Variants in TMEM198 observed in about 807,000 individuals in gnomAD.
TMEM198 encodes transmembrane protein 198.
In TMEM198, 21 loss-of-function variants were observed where a neutral mutation model predicts 31.5. The observed-to-expected ratio is 0.67, with a 90% CI of 0.47 to 0.96. TMEM198 has a LOEUF of 0.96. Among genes scored for constraint, TMEM198 ranks in the 40% least tolerant of loss-of-function variants. The probability of loss-of-function intolerance (pLI) is 0.00; values close to 1 mark genes in which losing one functional copy is unlikely to be tolerated. For synonymous variants in TMEM198, 211 were observed against 223.3 expected (o/e 0.95, Z 0.49); for missense variants, 447 against 499.4 (o/e 0.89, Z 1.00).
chr2:219,549,819 C>G lies in TMEM198; in HGVS notation c.1048C>G (p.Leu350Val), dbSNP rs911325974. 7 of 1,614,128 alleles carry G rather than the reference C, an allele frequency of 4.3e-6. No individual in the cohort carries two copies. The highest frequency in any genetic ancestry group is 5.9e-6 in the Non-Finnish European group (7 of 1,180,002). The change falls in exon 5 of 5, where the codon CTG (leucine) becomes GTG (valine). Residue 350 changes from leucine to valine, a missense_variant. By Grantham distance (32) the Leu-to-Val change is conservative (BLOSUM62 1). Coordinates refer to ENST00000373883, the MANE Select transcript of TMEM198 (RefSeq NM_001005209.3). ...CTATGAGTATGGGTCCCGGGGACCT[C>G]TGACAGCCTGCTCAGGCCCCCCAGT... ...ADYEYGSRGP[L>V]TACSGPPVRV
intron 3 of TMEM198, among the ~76,000 whole-genome samples, chr2:219,548,497 G>A (rs539084224): frequency 6.6e-5 from 10 of 152,186 alleles, no homozygotes; most frequent in African/African-American, 9.7e-5. Flanking sequence ...CTGCTTGAAG[G>A]AGGTGATATG....
rs13023533 is a variant in TMEM198 at position 219,549,297 on chromosome 2, T to C, written c.888T>C (p.Pro296=). The part of the protein sequence containing the change: ...RAPPRPGPPD[P]AYRRRPVPIK... ...CTCCCAGGCCTGGGCCACCAGACCCTGCTTATCGGCGCAGGCCAGTGCCCA... is the reference window on the plus strand; with the variant it reads ...CTCCCAGGCCTGGGCCACCAGACCCCGCTTATCGGCGCAGGCCAGTGCCCA... Residue 296 remains proline, a synonymous_variant, in exon 4 of 5, where the codon CCT becomes CCC. Coordinates refer to ENST00000373883, the MANE Select transcript of TMEM198 (RefSeq NM_001005209.3). 724,617 of 1,613,674 alleles carry C rather than the reference T, an allele frequency of 0.45. 165,978 individuals carry two copies. The highest frequency in any genetic ancestry group is 0.53 in the Admixed American group (31,647 of 60,008).
chr2:219,549,371 C>T lies in TMEM198; in HGVS notation c.945+17C>T. 1 of 1,601,788 alleles carries T rather than the reference C, an allele frequency of 6.2e-7. No homozygotes were observed. The highest frequency in any genetic ancestry group is 8.5e-7 in the Non-Finnish European group (1 of 1,172,908). ...CTCTCCCCGGTGAGCTCCCTGAGCC[C>T]ATCCAGCCAGAATGAGAAGGAAGTG... On this transcript the variant is annotated intron_variant, in intron 4 of 4. Transcript: ENST00000373883.
rs1449918447 is a variant in TMEM198, at chr2:219,544,041, G to A, written c.-376G>A. The A allele has an allele frequency of 2.6e-6, 1 of 378,194 alleles. No homozygotes were observed. The highest frequency in any genetic ancestry group is 5.3e-6 in the Non-Finnish European group (1 of 190,264). 23.4% of individuals were successfully genotyped at this position (378,194 alleles called of 1,614,324 possible). Reference sequence around the variant, plus strand: ...GCCCTGAGTGACGTCAGGAGCAGAGGCCGGAGCTGTCCATCAGCACCAAAG... The same window carrying A: ...GCCCTGAGTGACGTCAGGAGCAGAGACCGGAGCTGTCCATCAGCACCAAAG... On this transcript the variant is annotated 5_prime_UTR_variant, in exon 1 of 5. Transcript: ENST00000373883.
chr2:219,545,080 C>A (rs1695365028), intron 2 of TMEM198, among the ~76,000 whole-genome samples, 187 bp downstream of exon 2: 1 of 152,222 alleles, frequency 6.6e-6, no homozygotes, highest in South Asian at 2.1e-4. Flanking sequence ...ATTAGGCACA[C>A]CTGAGTGTGA....
rs761474024 is a variant in TMEM198 at position 219,548,065 on chromosome 2, G to A, written c.726G>A (p.Gly242=). ...TGCAGTGGAGGGTGACAGCTGAGGGGGACTCCCACACGGAAGGTAAGGGGG... is the reference window on the plus strand; with the variant it reads ...TGCAGTGGAGGGTGACAGCTGAGGGAGACTCCCACACGGAAGGTAAGGGGG... ...VLVQWRVTAE[G]DSHTEVVISR... Residue 242 remains glycine (G), a synonymous_variant, in exon 3 of 5, where the codon GGG becomes GGA. Coordinates refer to ENST00000373883, the MANE Select transcript of TMEM198 (RefSeq NM_001005209.3). 128 of 1,564,970 alleles carry A rather than the reference G, an allele frequency of 8.2e-5. No homozygotes were observed. The highest frequency in any genetic ancestry group is 1.1e-4 in the Non-Finnish European group (123 of 1,156,358).
rs1410273102 is a variant in TMEM198 at position 219,544,129 on chromosome 2, G to A, written c.-288G>A. On this transcript the variant is annotated 5_prime_UTR_variant, in exon 1 of 5. Coordinates refer to ENST00000373883, the MANE Select transcript of TMEM198 (RefSeq NM_001005209.3). ...GGGCGGCCCGAGCCCCGGCTCCTGCGCCTTCCCCTTCCTCAGGCCCAGCCC... is the reference window on the plus strand; with the variant it reads ...GGGCGGCCCGAGCCCCGGCTCCTGCACCTTCCCCTTCCTCAGGCCCAGCCC... The A allele has an allele frequency of 2.2e-6, 1 of 455,396 alleles. No homozygotes were observed. Among genetic ancestry groups the A allele is most frequent in the Non-Finnish European group, 4.4e-6 (1 of 225,808 alleles). The allele number at this position is 455,396 out of a possible 1,614,324, so 28.2% of individuals were successfully genotyped here. A position where few individuals can be genotyped will look rare whatever the true frequency, so the allele number is the denominator to read the frequency against.
chr2:219,544,181 G>A lies in TMEM198; in HGVS notation c.-236G>A, dbSNP rs1408899964. The A allele has an allele frequency of 1.1e-5, 5 of 460,062 alleles. No individual in the cohort carries two copies. 28.5% of individuals were successfully genotyped at this position (460,062 alleles called of 1,614,324 possible). On this transcript the variant is annotated 5_prime_UTR_variant, in exon 1 of 5. It adds an upstream start codon to the 5' untranslated region. Coordinates refer to ENST00000373883, the MANE Select transcript of TMEM198 (RefSeq NM_001005209.3). The stretch of plus-strand genomic sequence containing the variant: ...AGTTCCCGGACGCCGCGGGACTGGA[G>A]TGCCAGCCGGTGTTGGACGTGGAGC...
chr2:219,545,964 A>G (rs1371183982), intron 2 of TMEM198, among the ~76,000 whole-genome samples: 1 of 152,128 alleles, frequency 6.6e-6, no homozygotes, highest in Admixed American at 6.5e-5. Flanking sequence ...TGGGCCTCCA[A>G]GGATTCTGTA....
intron 2 of TMEM198, among the ~76,000 whole-genome samples, chr2:219,546,778 C>CTTTTT (rs397987890): frequency 2.4e-5 from 3 of 127,280 alleles, no homozygotes; most frequent in African/African-American, 9.2e-5. Context: ...TCTCAAGTTT[C>CTTTTT]TTTTTTTTTT....
At chr2:219,549,045 A>T (rs1375886026) in intron 3 of TMEM198, 107 bp from the exon 4 acceptor site, 1 of 1,277,872 alleles carries the variant, frequency 7.8e-7, no homozygotes, top group Non-Finnish European at 1.1e-6. Flanking sequence ...GGTTATGGAC[A>T]AGAGGAATCT....
intron 3 of TMEM198, 71 bp downstream of exon 3, chr2:219,548,152 T>C (rs1437567009): frequency 7.5e-7 from 1 of 1,339,084 alleles, no homozygotes; most frequent in Non-Finnish European, 9.9e-7. Flanking sequence ...GCCAAGTGAC[T>C]GGGGAGTGGG....
Position 219,549,867 on chromosome 2 carries a change from G to C in TMEM198, c.*13G>C, listed in dbSNP as rs779034709. The C allele has an allele frequency of 6.2e-7, 1 of 1,607,544 alleles. No homozygotes were observed. Among genetic ancestry groups the C allele is most frequent in the South Asian group, 1.1e-5 (1 of 90,940 alleles). ...AGTGCGGGTATAGCCATATCTGTCT[G>C]TCTAGACTCTGCAGTCACCAGCTCT... On this transcript the variant is annotated 3_prime_UTR_variant, in exon 5 of 5. Transcript: ENST00000373883.
chr2:219,549,469 G>T (rs779787411), intron 4 of TMEM198, 115 bp downstream of exon 4: 250 of 1,363,990 alleles, frequency 1.8e-4, no homozygotes, highest in Non-Finnish European at 2.3e-4. Context: ...GTTTGTCCAT[G>T]AACTGTTTGT....
At chr2:219,549,419 C>T in intron 4 of TMEM198, 65 bp downstream of exon 4, 1 of 1,543,500 alleles carries the variant, frequency 6.5e-7, no homozygotes, top group Non-Finnish European at 8.8e-7. Context: ...CCAAACAGGA[C>T]TGGGCTTTCC....
chr2:219,547,587 A>G lies in TMEM198; in HGVS notation c.248A>G (p.Glu83Gly), dbSNP rs764565598. The G allele has an allele frequency of 6.8e-7, 1 of 1,460,392 alleles. No individual in the cohort carries two copies. The highest frequency in any genetic ancestry group is 1.5e-5 in the South Asian group (1 of 66,148). The allele number at this position is 1,460,392 out of a possible 1,614,324, so 90.5% of individuals were successfully genotyped here. Residue 83 changes from glutamate (E) to glycine (G), a missense_variant, in exon 3 of 5, where the codon GAG (glutamate) becomes GGG (glycine). Physicochemically the swap from Glu to Gly is moderately conservative, Grantham distance 98. Transcript: ENST00000373883. ...SVVIFLLCYR[E>G]RVLETQLSAG... ...GTCATCTTCCTCCTCTGCTACCGAG[A>G]GCGGGTGCTAGAGACACAGCTGAGT...
chr2:219,549,279 G>T lies in TMEM198; in HGVS notation c.870G>T (p.Arg290Ser). 2 of 1,613,916 alleles carry T rather than the reference G, an allele frequency of 1.2e-6. No individual in the cohort carries two copies. Among genetic ancestry groups the T allele is most frequent in the Non-Finnish European group, 1.7e-6 (2 of 1,180,032 alleles). Reference sequence around the variant, plus strand: ...TCAGAGGTCCCCGGGCTCCTCCCAGGCCTGGGCCACCAGACCCTGCTTATC... The same window carrying T: ...TCAGAGGTCCCCGGGCTCCTCCCAGTCCTGGGCCACCAGACCCTGCTTATC... ...APLRGPRAPP[R>S]PGPPDPAYRR... is the part of the protein sequence containing the mutation. The change falls in exon 4 of 5, where the codon AGG becomes AGT. Residue 290 changes from arginine (R) to serine (S), a missense_variant. By Grantham distance (110) the Arg-to-Ser change is moderately radical (BLOSUM62 -1). Transcript: ENST00000373883.
chr2:219,547,358 C>T (rs1362016932), intron 2 of TMEM198, 148 bp from the exon 3 acceptor site: 1 of 602,342 alleles, frequency 1.7e-6, no homozygotes, highest in Non-Finnish European at 2.6e-6. Flanking sequence ...TCACTGATGC[C>T]GTCATGACTC....
At chr2:219,549,588 G>A (rs1574509309) in intron 4 of TMEM198, 129 bp from the exon 5 acceptor site, 1 of 1,416,514 alleles carries the variant, frequency 7.1e-7, no homozygotes, top group Non-Finnish European at 9.6e-7. Flanking sequence ...ATGTGGTGGG[G>A]TCTCAGGGCT....
Sources: gnomAD v4.1 joint callset for allele counts (sites outside exome capture counted in the v4.1 genomes callset) on GRCh38, gnomAD v4.1.1 for gene constraint, MANE v1.5 for transcripts, NCBI Gene and HGNC (gene_info 2026-07-23, HGNC 2026-07-21) for gene names.